MBNL1: variants seen among roughly 807,000 people sequenced by gnomAD.
MBNL1 encodes muscleblind like splicing regulator 1, also known as muscleblind-like protein 1.
Under a neutral mutation model 42.2 loss-of-function variants are expected in MBNL1, and 8 were observed. The observed-to-expected ratio is 0.19, with a 90% CI of 0.11 to 0.34. The LOEUF is 0.34. MBNL1 is among the 10% of genes least tolerant of loss of function. MBNL1 has a pLI of 1.00. For missense variants in MBNL1, 309 were observed against 495.3 expected (o/e 0.62, Z 3.57); for synonymous variants, 169 against 173.9 (o/e 0.97, Z 0.22).
intron 4 of MBNL1, among the ~76,000 whole-genome samples, chr3:152,440,999 G>C (rs1178244124): frequency 6.6e-6 from 1 of 152,108 alleles, no homozygotes; most frequent in African/African-American, 2.4e-5. Flanking sequence ...CTATTAAATT[G>C]ACTTCTCAAA....
intron 2 of MBNL1, among the ~76,000 whole-genome samples, chr3:152,393,044 A>G (rs1350296703): frequency 1.3e-5 from 2 of 152,232 alleles, no homozygotes; most frequent in Non-Finnish European, 2.9e-5. Context: ...AAAGAAGCCC[A>G]GAATCTCTTG....
At chr3:152,356,436 A>G (rs1053128747) in intron 2 of MBNL1, among the ~76,000 whole-genome samples, 2 of 152,200 alleles carry the variant, frequency 1.3e-5, no homozygotes, top group African/African-American at 4.8e-5. Context: ...GGAAGCTTCT[A>G]GTAATCCAAG....
At chr3:152,424,063 T>C (rs1442127836) in intron 3 of MBNL1, among the ~76,000 whole-genome samples, 1 of 152,220 alleles carries the variant, frequency 6.6e-6, no homozygotes, top group Non-Finnish European at 1.5e-5. Context: ...AACATAGTAT[T>C]GGAAGTTCTG....
intron 2 of MBNL1, among the ~76,000 whole-genome samples, chr3:152,394,894 C>CT (rs1233373951): frequency 6.6e-6 from 1 of 152,162 alleles, no homozygotes; most frequent in Non-Finnish European, 1.5e-5. Context: ...GAGTCTCACT[C>CT]TATTGCCAGA....
chr3:152,382,328 A>G (rs2097210031), intron 2 of MBNL1, among the ~76,000 whole-genome samples: 1 of 152,090 alleles, frequency 6.6e-6, no homozygotes, highest in Non-Finnish European at 1.5e-5. Flanking sequence ...ATAAGAGTAC[A>G]TTTTGACTCT....
intron 2 of MBNL1, among the ~76,000 whole-genome samples, chr3:152,366,987 A>G (rs1293842066): frequency 2.6e-5 from 4 of 152,192 alleles, no homozygotes; most frequent in Non-Finnish European, 5.9e-5. Context: ...ATATTTACAT[A>G]AAACAAGGCT....
intron 3 of MBNL1, among the ~76,000 whole-genome samples, chr3:152,421,749 A>G (rs1156451637): frequency 6.6e-6 from 1 of 152,246 alleles, no homozygotes; most frequent in Non-Finnish European, 1.5e-5. Flanking sequence ...CAGAAACCCT[A>G]CAAGCCAGAA....
At chr3:152,431,288 G>A (rs2099003792) in intron 3 of MBNL1, among the ~76,000 whole-genome samples, 1 of 152,098 alleles carries the variant, frequency 6.6e-6, no homozygotes, top group African/African-American at 2.4e-5. Context: ...GACATTGCCA[G>A]GTGTCTCCTG....
rs760958084 is a variant in MBNL1 at position 152,432,847 on chromosome 3, G to C, written c.476G>C (p.Gly159Ala). ...CCGACTGCACCAATGTTGGTTACAG[G>C]GAATCCGGGTGTCCCTGTACCTGCA... ...ILPTAPMLVTGNPGVPVPAAA... is the reference protein window; with the variant it reads ...ILPTAPMLVTANPGVPVPAAA... The change falls in exon 4 of 10, where the codon GGG becomes GCG. Residue 159 changes from glycine (G) to alanine (A), a missense_variant. Transcript: ENST00000324210. 1 of 1,614,142 alleles carries C rather than the reference G, an allele frequency of 6.2e-7. No homozygotes were observed. The highest frequency in any genetic ancestry group is 8.5e-7 in the Non-Finnish European group (1 of 1,180,022).
At chr3:152,326,203 C>G (rs559811691) in intron 2 of MBNL1, among the ~76,000 whole-genome samples, 1 of 152,042 alleles carries the variant, frequency 6.6e-6, no homozygotes, top group African/African-American at 2.4e-5. Context: ...TTAATAGGTA[C>G]GTTTTTCCAG....
chr3:152,408,246 A>G (rs184280893), intron 2 of MBNL1, among the ~76,000 whole-genome samples: 107 of 152,342 alleles, frequency 7.0e-4, no homozygotes, highest in Non-Finnish European at 1.3e-3. Flanking sequence ...TTAACAGGAT[A>G]TATACTATGT....
intron 2 of MBNL1, among the ~76,000 whole-genome samples, chr3:152,251,880 C>T (rs1328987080): frequency 5.9e-5 from 9 of 152,146 alleles, no homozygotes; most frequent in Non-Finnish European, 2.9e-5. Context: ...TTGTCAAATG[C>T]AATCTTTACT....
At chr3:152,380,026 A>G (rs1030008173) in intron 2 of MBNL1, among the ~76,000 whole-genome samples, 1 of 152,122 alleles carries the variant, frequency 6.6e-6, no homozygotes, top group African/African-American at 2.4e-5. Flanking sequence ...AACCTCAAAG[A>G]TCTTCTTAAA....
At chr3:152,266,339 C>T (rs915657139), upstream of MBNL1, 1 of 123,762 alleles carries the variant, frequency 8.1e-6, no homozygotes, top group Admixed American at 8.7e-5. Flanking sequence ...AAACATGTCT[C>T]ATCTCAGTTT....
At chr3:152,460,164 G>T (rs1288574845) in intron 9 of MBNL1, among the ~76,000 whole-genome samples, 1 of 151,780 alleles carries the variant, frequency 6.6e-6, no homozygotes, top group Non-Finnish European at 1.5e-5. Context: ...TAAAGTGGGA[G>T]GATCACTTGA....
chr3:152,263,478 T>C (rs765038961), upstream of MBNL1: 3 of 152,166 alleles, frequency 2.0e-5, no homozygotes, highest in Non-Finnish European at 2.9e-5. Context: ...TGGCTTCTCT[T>C]CAACTCTGAG....
intron 4 of MBNL1, among the ~76,000 whole-genome samples, chr3:152,440,737 A>G (rs1415034828): frequency 6.6e-6 from 1 of 152,244 alleles, no homozygotes; most frequent in South Asian, 2.1e-4. Context: ...TACAAAGTAG[A>G]TATTTTAATC....
chr3:152,329,709 AAT>A (rs1025598764), intron 2 of MBNL1, among the ~76,000 whole-genome samples: 23 of 146,978 alleles, frequency 1.6e-4, no homozygotes, highest in East Asian at 9.8e-4. Flanking sequence ...ATATATATAT[AAT>A]ATATATGTCA....
rs1380673307 is a variant in MBNL1, at chr3:152,445,436, A to G, written c.704A>G (p.Lys235Arg). The change falls in exon 5 of 10, where the codon AAA becomes AGA. Residue 235 changes from lysine (K) to arginine (R), a missense_variant. Lys to Arg is a conservative substitution (Grantham distance 26). Coordinates refer to ENST00000324210, the MANE Select transcript of MBNL1 (RefSeq NM_021038.5). ...IKGRCSREKCKYFHPPAHLQA... is the reference protein window; with the variant it reads ...IKGRCSREKCRYFHPPAHLQA... ...GGGAGATGCTCTCGGGAAAAGTGCA[A>G]ATACTTTCATCCCCCTGCACATTTG... The G allele has an allele frequency of 6.2e-7, 1 of 1,614,114 alleles. No homozygotes were observed. Among genetic ancestry groups the G allele is most frequent in the Admixed American group, 1.7e-5 (1 of 60,004 alleles).
Sources: gnomAD v4.1 joint callset for allele counts (sites outside exome capture counted in the v4.1 genomes callset) on GRCh38, gnomAD v4.1.1 for gene constraint, MANE v1.5 for transcripts, NCBI Gene and HGNC (gene_info 2026-07-23, HGNC 2026-07-21) for gene names.